Variants in USH2A observed in about 807,000 individuals in gnomAD.
USH2A encodes the protein usherin.
In USH2A, 443 loss-of-function variants were observed where a neutral mutation model predicts 538.9. The ratio of observed to expected loss-of-function variants is 0.82; its 90% CI spans 0.76 to 0.89. The LOEUF (loss-of-function observed/expected upper bound fraction) is 0.89. USH2A is among the 40% of genes least tolerant of loss of function. USH2A has a pLI of 0.00. For missense variants in USH2A, 6,633 were observed against 6,324.8 expected (o/e 1.05, Z -1.65); for synonymous variants, 2,413 against 2,273.5 (o/e 1.06, Z -1.75).
At chr1:216,374,321 G>T (rs917002138) in intron 3 of USH2A, among the ~76,000 whole-genome samples, 8 of 151,458 alleles carry the variant, frequency 5.3e-5, no homozygotes, top group African/African-American at 1.9e-4. Context: ...TCTTTCCTTG[G>T]CTTTTCTGAT....
chr1:216,041,845 C>CTT (rs146933027), intron 32 of USH2A, among the ~76,000 whole-genome samples: 3 of 149,244 alleles, frequency 2.0e-5, no homozygotes, highest in African/African-American at 2.5e-5. Context: ...AATAAAATAA[C>CTT]TTTTTTTTTT....
At chr1:216,129,957 A>C (rs2033334813) in intron 21 of USH2A, among the ~76,000 whole-genome samples, 1 of 152,102 alleles carries the variant, frequency 6.6e-6, no homozygotes, top group Non-Finnish European at 1.5e-5. Context: ...TACCTTAGGG[A>C]GAATACAGTC....
At chr1:216,036,877 T>C (rs543736898) in intron 32 of USH2A, among the ~76,000 whole-genome samples, 1 of 151,974 alleles carries the variant, frequency 6.6e-6, no homozygotes, top group South Asian at 2.1e-4. Flanking sequence ...CCCTCCTATA[T>C]CTCTAAGAAA....
chr1:216,147,723 C>G (rs2102616899), intron 21 of USH2A, among the ~76,000 whole-genome samples: 1 of 150,968 alleles, frequency 6.6e-6, no homozygotes, highest in African/African-American at 2.4e-5. Context: ...CACTGTGAGA[C>G]AAACCCCAGC....
chr1:216,392,816 TTATTTTCTAAA>T (rs2039134399), intron 3 of USH2A, among the ~76,000 whole-genome samples: 1 of 152,206 alleles, frequency 6.6e-6, no homozygotes, highest in Admixed American at 6.5e-5. Context: ...TTTTTCTCAT[TTATTTTCTAAA>T]TATTTGAAAA....
intron 34 of USH2A, 101 bp downstream of exon 34, chr1:215,998,786 C>T: frequency 9.1e-7 from 1 of 1,095,366 alleles, no homozygotes; most frequent in South Asian, 1.5e-5. Flanking sequence ...AAGATTTTGA[C>T]TTTTTTTTTT....
chr1:216,015,343 A>G (rs961461011), intron 32 of USH2A, among the ~76,000 whole-genome samples: 7 of 152,228 alleles, frequency 4.6e-5, no homozygotes, highest in African/African-American at 1.4e-4. Context: ...CATCTCTGCC[A>G]TTGTGTAGCC....
chr1:215,811,132 C>T (rs893683853), intron 49 of USH2A, among the ~76,000 whole-genome samples: 2 of 152,224 alleles, frequency 1.3e-5, no homozygotes. Context: ...ACAAGCTACC[C>T]TGTCCATTCC....
chr1:215,814,952 G>A (rs1662816585), intron 48 of USH2A, among the ~76,000 whole-genome samples: 1 of 152,048 alleles, frequency 6.6e-6, no homozygotes, highest in South Asian at 2.1e-4. Flanking sequence ...AACCATGGCT[G>A]TAATCTTATG....
In USH2A at chr1:215,900,747, A is replaced by G. The variant is rs754414097; in HGVS notation, c.7451+8T>C. The G allele has an allele frequency of 6.2e-7, 1 of 1,613,552 alleles. No individual in the cohort carries two copies. Among genetic ancestry groups the G allele is most frequent in the Non-Finnish European group, 8.5e-7 (1 of 1,179,678 alleles). ...CAGCTGATAGAATGGACAAAGTAGAATGCTCACTCTAGAAATCCATGGGTG... is the reference window on the plus strand; with the variant it reads ...CAGCTGATAGAATGGACAAAGTAGAGTGCTCACTCTAGAAATCCATGGGTG... On this transcript the variant is annotated splice_region_variant and intron_variant, in intron 39 of 71. Coordinates refer to ENST00000307340, the MANE Select transcript of USH2A (RefSeq NM_206933.4).
At chr1:216,012,302 A>G (rs185015906) in intron 32 of USH2A, among the ~76,000 whole-genome samples, 1,780 of 152,132 alleles carry the variant, frequency 0.012, 36 homozygotes, top group African/African-American at 0.041. Context: ...TCCATCTGCT[A>G]TTCTACTACT....
chr1:216,283,526 T>C (rs1442971198), intron 11 of USH2A, among the ~76,000 whole-genome samples: 4 of 152,232 alleles, frequency 2.6e-5, no homozygotes, highest in African/African-American at 9.6e-5. Context: ...GCTACAACTT[T>C]CAGTACAATG....
At chr1:215,787,937 G>C (rs1051356911) in intron 51 of USH2A, among the ~76,000 whole-genome samples, 2 of 152,054 alleles carry the variant, frequency 1.3e-5, no homozygotes, top group Non-Finnish European at 2.9e-5. Context: ...CCAGCTACTT[G>C]GCAGGTTGAG....
intron 50 of USH2A, among the ~76,000 whole-genome samples, chr1:215,790,913 C>G (rs1156665171): frequency 6.6e-6 from 1 of 152,208 alleles, no homozygotes; most frequent in Non-Finnish European, 1.5e-5. Context: ...TAATCAGCCA[C>G]TATTTTTTGA....
intron 48 of USH2A, among the ~76,000 whole-genome samples, chr1:215,815,971 A>G (rs1558111289): frequency 6.6e-6 from 1 of 152,066 alleles, no homozygotes; most frequent in Non-Finnish European, 1.5e-5. Context: ...TGCCTATACA[A>G]CTATTCTCTC....
chr1:216,174,176 A>T, intron 21 of USH2A: 6 of 984,914 alleles, frequency 6.1e-6, no homozygotes, highest in Non-Finnish European at 7.2e-6. Context: ...AACAATACAA[A>T]TTTTTATAGC....
At chr1:216,127,786 G>T (rs550570252) in intron 21 of USH2A, among the ~76,000 whole-genome samples, 6 of 152,074 alleles carry the variant, frequency 3.9e-5, no homozygotes, top group Non-Finnish European at 7.4e-5. Context: ...CAATTATCCC[G>T]CATTCTTTTA....
At chr1:216,094,992 G>A (rs2032405989) in intron 22 of USH2A, among the ~76,000 whole-genome samples, 1 of 151,952 alleles carries the variant, frequency 6.6e-6, no homozygotes, top group Non-Finnish European at 1.5e-5. Flanking sequence ...AGGCATATGT[G>A]TGTATGTAAG....
In USH2A at chr1:216,325,551, T is replaced by C. The variant is rs201062965; in HGVS notation, c.897A>G (p.Gln299=). ...FSGDLLRLHA[Q]SHCRCPGSHP... ...GGCTGCCAGGGCAACGGCAATGTGA[T>C]TGGGCATGCAATCTGAGAAGATCTC... The change falls in exon 6 of 72, where the codon CAA becomes CAG. Residue 299 remains glutamine, a synonymous_variant. Transcript: ENST00000307340. 7 of 1,613,420 alleles carry C rather than the reference T, an allele frequency of 4.3e-6. No individual in the cohort carries two copies. The highest frequency in any genetic ancestry group is 5.1e-6 in the Non-Finnish European group (6 of 1,179,684).
Sources: gnomAD v4.1 joint callset for allele counts (sites outside exome capture counted in the v4.1 genomes callset) on GRCh38, gnomAD v4.1.1 for gene constraint, MANE v1.5 for transcripts, NCBI Gene and HGNC (gene_info 2026-07-23, HGNC 2026-07-21) for gene names.